The following CDK6 variants were observed in gnomAD, a reference collection of about 807,000 sequenced individuals.
The protein encoded by CDK6 is cyclin-dependent kinase 6.
CDK6 carries 6 observed loss-of-function variants against 37.1 expected under a neutral mutation model. The observed-to-expected ratio is 0.16, with a 90% CI of 0.09 to 0.32. The LOEUF is 0.32. Among genes scored for constraint, CDK6 ranks in the 10% least tolerant of loss-of-function variants. The pLI, the probability that CDK6 is intolerant of heterozygous loss-of-function variation, is 1.00. For synonymous variants in CDK6, 160 were observed against 161.3 expected (o/e 0.99, Z 0.06); for missense variants, 224 against 418.9 (o/e 0.53, Z 4.06).
At chr7:92,726,537 A>G (rs367789247) in intron 3 of CDK6, among the ~76,000 whole-genome samples, 1 of 152,098 alleles carries the variant, frequency 6.6e-6, no homozygotes, top group Non-Finnish European at 1.5e-5. Flanking sequence ...CAGCCTCCCA[A>G]GTAGCTGGGA....
At chr7:92,704,967 T>C (rs576066976) in intron 4 of CDK6, among the ~76,000 whole-genome samples, 1 of 152,340 alleles carries the variant, frequency 6.6e-6, no homozygotes, top group East Asian at 1.9e-4. Context: ...GGATCAGTTT[T>C]AGGTGTTTCT....
At chr7:92,661,474 C>T (rs1182399337) in intron 5 of CDK6, among the ~76,000 whole-genome samples, 1 of 152,118 alleles carries the variant, frequency 6.6e-6, no homozygotes, top group African/African-American at 2.4e-5. Flanking sequence ...GAAACCTTAC[C>T]AATAGCAAAC....
intron 5 of CDK6, among the ~76,000 whole-genome samples, chr7:92,653,319 C>A (rs1318280309): frequency 1.3e-5 from 2 of 152,210 alleles, no homozygotes; most frequent in Non-Finnish European, 2.9e-5. Flanking sequence ...ACATCACAAG[C>A]AGCCCTAAGA....
At chr7:92,820,482 C>A (rs1801145341) in intron 2 of CDK6, among the ~76,000 whole-genome samples, 1 of 152,022 alleles carries the variant, frequency 6.6e-6, no homozygotes, top group African/African-American at 2.4e-5. Context: ...TGCAAATAAA[C>A]AATTTTAGCA....
intron 4 of CDK6, among the ~76,000 whole-genome samples, chr7:92,691,430 T>C (rs1000430280): frequency 2.0e-5 from 3 of 152,214 alleles, no homozygotes; most frequent in African/African-American, 7.2e-5. Flanking sequence ...CTAATATTTA[T>C]TGAGCACCTA....
intron 5 of CDK6, among the ~76,000 whole-genome samples, chr7:92,633,767 T>C (rs373706393): frequency 6.6e-6 from 1 of 152,112 alleles, no homozygotes; most frequent in Admixed American, 6.6e-5. Context: ...ACAAAGAATA[T>C]GTGAATGGAA....
intron 7 of CDK6, among the ~76,000 whole-genome samples, chr7:92,615,508 G>A (rs1795657293): frequency 6.6e-6 from 1 of 152,178 alleles, no homozygotes; most frequent in Non-Finnish European, 1.5e-5. Flanking sequence ...CCTATGGACT[G>A]TTTCCTGCCC....
At chr7:92,686,623 A>AT (rs1797461893) in intron 4 of CDK6, among the ~76,000 whole-genome samples, 1 of 152,008 alleles carries the variant, frequency 6.6e-6, no homozygotes. Context: ...CGTACAACTT[A>AT]TTTTCCTTTG....
chr7:92,631,623 A>G (rs1213608131), intron 5 of CDK6, among the ~76,000 whole-genome samples: 2 of 152,134 alleles, frequency 1.3e-5, no homozygotes, highest in African/African-American at 4.8e-5. Flanking sequence ...AGCATTGCCT[A>G]TGGTTAGGTC....
chr7:92,772,124 A>G (rs1389099374), intron 3 of CDK6, among the ~76,000 whole-genome samples: 1 of 152,208 alleles, frequency 6.6e-6, no homozygotes, highest in Non-Finnish European at 1.5e-5. Context: ...ATGACCTTAA[A>G]GCATCACAAA....
intron 4 of CDK6, among the ~76,000 whole-genome samples, chr7:92,674,613 C>T (rs564241523): frequency 1.2e-4 from 19 of 152,254 alleles, no homozygotes; most frequent in African/African-American, 4.6e-4. Flanking sequence ...ATATTTCTAG[C>T]TGGAGGAACA....
At position 92,605,560 on chromosome 7, in the gene CDK6, A is replaced by G. The variant is rs7810195; in HGVS notation, c.*9580T>C. The G allele has an allele frequency of 4.3e-6, 1 of 233,182 alleles. No homozygotes were observed. The highest frequency in any genetic ancestry group is 8.5e-6 in the Non-Finnish European group (1 of 117,972). 14.4% of individuals were successfully genotyped at this position (233,182 alleles called of 1,614,324 possible). Reference sequence around the variant, plus strand: ...ATTCTCCTCCTCAGATAGGAAGGGTATAGATAAACTGGCTATATTTTCATC... The same window carrying G: ...ATTCTCCTCCTCAGATAGGAAGGGTGTAGATAAACTGGCTATATTTTCATC... On this transcript the variant is annotated 3_prime_UTR_variant, in exon 8 of 8. Transcript: ENST00000424848.
Position 92,613,903 on chromosome 7 carries a change from T to C in CDK6, c.*1237A>G, listed in dbSNP as rs763742484. 8.6e-6 allele frequency: 2 copies of C among 233,106 alleles called. No homozygotes were observed. The highest frequency in any genetic ancestry group is 3.6e-4 in the South Asian group (2 of 5,524). The allele number at this position is 233,106 out of a possible 1,614,324, so 14.4% of individuals were successfully genotyped here. On this transcript the variant is annotated 3_prime_UTR_variant, in exon 8 of 8. Coordinates refer to ENST00000424848, the MANE Select transcript of CDK6 (RefSeq NM_001145306.2). ...GAGGCCATAAACCATAAGCTGAGAC[T>C]GCGAATTTATGAAAGGTTCATTGAA...
intron 4 of CDK6, among the ~76,000 whole-genome samples, chr7:92,676,259 A>G (rs1446122316): frequency 6.6e-6 from 1 of 152,024 alleles, no homozygotes; most frequent in African/African-American, 2.4e-5. Context: ...TCTTTAATTT[A>G]GAAAAGTGTT....
intron 2 of CDK6, among the ~76,000 whole-genome samples, chr7:92,806,863 C>T (rs1055005097): frequency 3.9e-5 from 6 of 152,138 alleles, no homozygotes; most frequent in Admixed American, 6.6e-5. Flanking sequence ...TATTTTTCTA[C>T]CGTAAGACCA....
chr7:92,787,584 A>G (rs1417057324), intron 2 of CDK6, among the ~76,000 whole-genome samples: 1 of 152,132 alleles, frequency 6.6e-6, no homozygotes, highest in Non-Finnish European at 1.5e-5. Flanking sequence ...ATCTTAAAAT[A>G]TTGTTCTAAG....
At chr7:92,789,127 A>C (rs765047081) in intron 2 of CDK6, among the ~76,000 whole-genome samples, 5 of 152,142 alleles carry the variant, frequency 3.3e-5, no homozygotes, top group Non-Finnish European at 5.9e-5. Flanking sequence ...CTCTGTTTCT[A>C]ATAAATAAAT....
chr7:92,633,245 C>T (rs188027521), intron 5 of CDK6, among the ~76,000 whole-genome samples: 335 of 152,196 alleles, frequency 2.2e-3, no homozygotes, highest in South Asian at 7.5e-3. Context: ...ATATGCCTAT[C>T]CAGCACACTT....
chr7:92,628,293 A>AG (rs1795975148), intron 5 of CDK6, among the ~76,000 whole-genome samples: 1 of 151,922 alleles, frequency 6.6e-6, no homozygotes, highest in Non-Finnish European at 1.5e-5. Flanking sequence ...CAGAAGAAAA[A>AG]AAAACCCGAC....
Sources: allele counts gnomAD v4.1 joint callset (sites outside exome capture counted in the v4.1 genomes callset), GRCh38; gene constraint gnomAD v4.1.1; transcripts MANE v1.5; gene names NCBI Gene and HGNC (gene_info 2026-07-23, HGNC 2026-07-21).